SESTD1: variants seen among roughly 807,000 people sequenced by gnomAD.
SESTD1 encodes the protein SEC14 domain and spectrin repeat-containing protein 1.
A neutral mutation model predicts 101.7 loss-of-function variants in SESTD1; 43 were observed. That is an observed-to-expected ratio of 0.42 (90% confidence interval 0.33 to 0.55). The LOEUF (loss-of-function observed/expected upper bound fraction) is 0.55, where lower values mean the gene tolerates loss of function less well. Among genes scored for constraint, SESTD1 ranks in the 20% least tolerant of loss-of-function variants. The probability of loss-of-function intolerance (pLI) is 0.07; values close to 1 mark genes in which losing one functional copy is unlikely to be tolerated. For missense variants in SESTD1, 647 were observed against 815.1 expected, an observed-to-expected ratio of 0.79 and a Z score of 2.51; for synonymous variants, 283 against 286.8, an observed-to-expected ratio of 0.99 and a Z score of 0.13.
At chr2:179,155,791 T>C (rs1016186659) in intron 5 of SESTD1, among the ~76,000 whole-genome samples, 6 of 152,200 alleles carry the variant, frequency 3.9e-5, no homozygotes, top group African/African-American at 1.4e-4. Flanking sequence ...TTTAGTTACA[T>C]GAGTAATTTC....
intron 16 of SESTD1, among the ~76,000 whole-genome samples, chr2:179,114,706 T>A (rs1284206707): frequency 6.6e-6 from 1 of 152,166 alleles, no homozygotes; most frequent in Non-Finnish European, 1.5e-5. Context: ...TTAATAGCAG[T>A]TGCCAAAGCA....
chr2:179,123,895 A>G (rs1323221349), intron 11 of SESTD1, 66 bp from the exon 12 acceptor site: 2 of 1,167,732 alleles, frequency 1.7e-6, no homozygotes, highest in South Asian at 2.5e-5. Flanking sequence ...TTAATGATTA[A>G]TGAGGTTTAT....
rs572100134 is a variant in SESTD1 at position 179,106,037 on chromosome 2, T to A, written c.*3862A>T. ...TTTGTTGCTCTATATACCAGCATAG[T>A]ATATTTTCTACTCCCAACTGAAGCT... On this transcript the variant is annotated 3_prime_UTR_variant, in exon 18 of 18. Coordinates refer to ENST00000428443, the MANE Select transcript of SESTD1 (RefSeq NM_178123.5). The A allele has an allele frequency of 1.1e-4, 17 of 152,306 alleles. No individual in the cohort carries two copies. In the South Asian group the frequency reaches 2.9e-3, roughly 26 times the overall value. 9.4% of individuals were successfully genotyped at this position (152,306 alleles called of 1,614,324 possible). A position where few individuals can be genotyped will look rare whatever the true frequency, so the allele number is the denominator to read the frequency against.
intron 1 of SESTD1, among the ~76,000 whole-genome samples, chr2:179,235,886 T>C (rs1203948192): frequency 6.6e-6 from 1 of 152,214 alleles, no homozygotes; most frequent in Non-Finnish European, 1.5e-5. Flanking sequence ...GTTTGAGCCC[T>C]GGCCTATGAT....
chr2:179,238,509 T>C (rs1343524880), intron 1 of SESTD1, among the ~76,000 whole-genome samples: 4 of 152,196 alleles, frequency 2.6e-5, no homozygotes. Context: ...GACAATTATC[T>C]AATAATGTTC....
chr2:179,185,385 A>C (rs1431445757), intron 2 of SESTD1, among the ~76,000 whole-genome samples: 3 of 146,278 alleles, frequency 2.1e-5, no homozygotes, highest in Non-Finnish European at 3.0e-5. Context: ...TATATATTAC[A>C]TATTGTATAT....
chr2:179,114,310 C>T (rs1326837718), intron 16 of SESTD1, among the ~76,000 whole-genome samples: 1 of 152,178 alleles, frequency 6.6e-6, no homozygotes, highest in East Asian at 1.9e-4. Flanking sequence ...TTCCTTGCAA[C>T]ATCTGTTCCA....
At chr2:179,148,851 G>A (rs1274801796) in intron 7 of SESTD1, among the ~76,000 whole-genome samples, 1 of 151,968 alleles carries the variant, frequency 6.6e-6, no homozygotes, top group Non-Finnish European at 1.5e-5. Context: ...ACGAGGTCAG[G>A]AGATCGAGAC....
At chr2:179,203,731 G>A (rs1432803222) in intron 1 of SESTD1, among the ~76,000 whole-genome samples, 1 of 133,714 alleles carries the variant, frequency 7.5e-6, no homozygotes, top group Non-Finnish European at 1.6e-5. Flanking sequence ...TGGGTAACCT[G>A]CGGACCCAAT....
At chr2:179,244,514 A>G (rs1052723610) in intron 1 of SESTD1, among the ~76,000 whole-genome samples, 10 of 152,060 alleles carry the variant, frequency 6.6e-5, no homozygotes, top group Non-Finnish European at 1.3e-4. Flanking sequence ...GAGTGGTACA[A>G]TATTTTTCAA....
chr2:179,229,196 G>A (rs539136377), intron 1 of SESTD1, among the ~76,000 whole-genome samples: 8 of 152,124 alleles, frequency 5.3e-5, no homozygotes, highest in Non-Finnish European at 1.0e-4. Flanking sequence ...CCATTACAGT[G>A]TTTACGGAAA....
At chr2:179,236,160 T>TTAAGATA (rs112647545) in intron 1 of SESTD1, among the ~76,000 whole-genome samples, 43,672 of 151,406 alleles carry the variant, frequency 0.29, 6,598 homozygotes, top group South Asian at 0.43. Context: ...GTTGAATTAC[T>TTAAGATA]TAATATGAAC....
intron 1 of SESTD1, among the ~76,000 whole-genome samples, chr2:179,251,511 T>C (rs2047316893): frequency 6.6e-6 from 1 of 152,236 alleles, no homozygotes; most frequent in African/African-American, 2.4e-5. Context: ...CCAACACCAG[T>C]GCTTCCAATC....
intron 5 of SESTD1, among the ~76,000 whole-genome samples, chr2:179,161,312 A>G (rs116175857): frequency 0.013 from 1,974 of 152,268 alleles, 43 homozygotes; most frequent in African/African-American, 0.045. Flanking sequence ...CAGTTAATTT[A>G]GAAACAGTTA....
intron 3 of SESTD1, 112 bp downstream of exon 3, chr2:179,182,967 TC>T: frequency 1.6e-6 from 1 of 607,350 alleles, no homozygotes. Context: ...AATTATAATT[TC>T]ACTGCGAATA....
At chr2:179,129,285 CCA>C (rs1306166927) in intron 10 of SESTD1, among the ~76,000 whole-genome samples, 14 of 152,196 alleles carry the variant, frequency 9.2e-5, no homozygotes. Context: ...GCTTTTCCTA[CCA>C]CACACTTTCT....
chr2:179,116,880 G>A (rs1242634179), intron 14 of SESTD1, 90 bp from the exon 15 acceptor site: 6 of 1,479,732 alleles, frequency 4.1e-6, no homozygotes, highest in African/African-American at 1.4e-5. Context: ...ACTATCATGT[G>A]ATTAATAAAT....
At chr2:179,196,540 G>A (rs1382765728) in intron 1 of SESTD1, among the ~76,000 whole-genome samples, 2 of 152,240 alleles carry the variant, frequency 1.3e-5, no homozygotes, top group Admixed American at 1.3e-4. Flanking sequence ...AGTAACCTCT[G>A]CAGACTTAAA....
At chr2:179,225,201 C>T (rs969969858) in intron 1 of SESTD1, among the ~76,000 whole-genome samples, 17 of 152,114 alleles carry the variant, frequency 1.1e-4, no homozygotes, top group Admixed American at 2.6e-4. Context: ...GGGAAAATTT[C>T]CACACATTCT....
Sources: allele counts gnomAD v4.1 joint callset (sites outside exome capture counted in the v4.1 genomes callset), GRCh38; gene constraint gnomAD v4.1.1; transcripts MANE v1.5; gene names NCBI Gene and HGNC (gene_info 2026-07-23, HGNC 2026-07-21).